Variants in UBAP2 observed in about 807,000 individuals in gnomAD.
UBAP2 encodes the protein ubiquitin associated protein 2.
Under a neutral mutation model 139.6 loss-of-function variants are expected in UBAP2, and 75 were observed. That is an observed-to-expected ratio of 0.54 (90% confidence interval 0.45 to 0.65). The LOEUF (loss-of-function observed/expected upper bound fraction) is 0.65, where lower values mean the gene tolerates loss of function less well. Among genes scored for constraint, UBAP2 ranks in the 30% least tolerant of loss-of-function variants. The pLI is 0.00. For synonymous variants in UBAP2, 526 were observed against 526.2 expected, an observed-to-expected ratio of 1.00 and a Z score of 0.01; for missense variants, 1,368 against 1,369.6, an observed-to-expected ratio of 1.00 and a Z score of 0.02.
rs1010182040 is a variant in UBAP2, at chr9:34,048,873, G to C, written c.-90C>G. On this transcript the variant is annotated 5_prime_UTR_variant, in exon 1 of 29. Coordinates refer to ENST00000379238, the MANE Select transcript of UBAP2 (RefSeq NM_001370062.2). ...AGACCCGCTGCCGCCGCCGCCGCTCGTTACCTGCCAATGTGCCTCTTACAA... is the reference window on the plus strand; with the variant it reads ...AGACCCGCTGCCGCCGCCGCCGCTCCTTACCTGCCAATGTGCCTCTTACAA... 6.6e-6 allele frequency: 1 copy of C among 152,276 alleles called. No homozygotes were observed. Among genetic ancestry groups the C allele is most frequent in the African/African-American group, 2.4e-5 (1 of 41,438 alleles). 9.4% of individuals were successfully genotyped at this position (152,276 alleles called of 1,614,324 possible). A position where few individuals can be genotyped will look rare whatever the true frequency, so the allele number is the denominator to read the frequency against.
intron 6 of UBAP2, among the ~76,000 whole-genome samples, chr9:33,977,801 T>C (rs557241553): frequency 9.1e-4 from 138 of 151,802 alleles, no homozygotes; most frequent in African/African-American, 3.2e-3. Context: ...CGGCTGGGAT[T>C]ACAGGTGTGC....
chr9:34,040,690 A>G (rs1826992171), intron 1 of UBAP2, among the ~76,000 whole-genome samples: 1 of 152,230 alleles, frequency 6.6e-6, no homozygotes, highest in Non-Finnish European at 1.5e-5. Context: ...AAAACTAAAA[A>G]GGCAACATAA....
rs571014698 is a variant in UBAP2 at position 33,922,551 on chromosome 9, G to C, written c.3313C>G (p.Gln1105Glu). ...SQPSSLQPKS[Q>E]ASKPAYGNSP... ...TTGCCGTAGGCAGGTTTGGAGGCTTGAGACTTGGGCTGCAGGGAGCTGGGC... is the reference window on the plus strand; with the variant it reads ...TTGCCGTAGGCAGGTTTGGAGGCTTCAGACTTGGGCTGCAGGGAGCTGGGC... The change falls in exon 29 of 29, where the codon CAA (glutamine) becomes GAA (glutamate). Residue 1105 changes from glutamine to glutamate, a missense_variant. Gln to Glu is a conservative substitution (Grantham distance 29). Transcript: ENST00000379238. The C allele has an allele frequency of 6.2e-7, 1 of 1,613,890 alleles. No homozygotes were observed. Among genetic ancestry groups the C allele is most frequent in the Non-Finnish European group, 8.5e-7 (1 of 1,179,986 alleles).
At chr9:33,978,016 T>TAA (rs78838897) in intron 6 of UBAP2, among the ~76,000 whole-genome samples, 2,152 of 118,170 alleles carry the variant, frequency 0.018, 51 homozygotes, top group Admixed American at 0.067. Context: ...CTCTGTCTTT[T>TAA]AAAAAAAAAA....
chr9:33,978,755 A>T (rs1216594277), intron 6 of UBAP2, among the ~76,000 whole-genome samples: 1 of 152,118 alleles, frequency 6.6e-6, no homozygotes, highest in East Asian at 1.9e-4. Context: ...ACTCCAGCCT[A>T]GGTAACAGAG....
chr9:33,957,048 C>T (rs565435893), intron 10 of UBAP2, among the ~76,000 whole-genome samples: 1 of 151,028 alleles, frequency 6.6e-6, no homozygotes. Context: ...ATGATCACAC[C>T]ACTGCACTCC....
intron 6 of UBAP2, among the ~76,000 whole-genome samples, chr9:33,977,589 C>T (rs1196457688): frequency 6.6e-6 from 1 of 151,894 alleles, no homozygotes; most frequent in Non-Finnish European, 1.5e-5. Context: ...GCGAATAAAC[C>T]ATATTATGGT....
intron 4 of UBAP2, chr9:33,995,327 A>T (rs1419898405): frequency 1.4e-5 from 2 of 143,930 alleles, no homozygotes; most frequent in Non-Finnish European, 3.0e-5. Context: ...ACTGCACTCC[A>T]GCCTGGGTGG....
intron 6 of UBAP2, 72 bp from the exon 7 acceptor site, chr9:33,973,309 C>A: frequency 6.8e-7 from 1 of 1,468,054 alleles, no homozygotes; most frequent in East Asian, 2.3e-5. Context: ...CTTCTTCATC[C>A]TATACTCACT....
intron 4 of UBAP2, 134 bp from the exon 5 acceptor site, chr9:33,989,260 G>C: frequency 9.7e-7 from 1 of 1,028,790 alleles, no homozygotes; most frequent in Non-Finnish European, 1.3e-6. Context: ...TGGAGTGCAT[G>C]GCGCCCTCTC....
chr9:34,036,988 T>A (rs1161798167), intron 1 of UBAP2, among the ~76,000 whole-genome samples: 1 of 138,208 alleles, frequency 7.2e-6, no homozygotes, highest in African/African-American at 2.7e-5. Flanking sequence ...AGCTATTTTT[T>A]TTTTTTTTTT....
chr9:34,016,943 C>T, intron 2 of UBAP2, 107 bp downstream of exon 2: 1 of 785,488 alleles, frequency 1.3e-6, no homozygotes, highest in Non-Finnish European at 2.0e-6. Flanking sequence ...CCTTAATTTC[C>T]TTAATTCTAA....
chr9:33,946,203 T>C (rs938413118), intron 13 of UBAP2, among the ~76,000 whole-genome samples: 35 of 152,244 alleles, frequency 2.3e-4, no homozygotes, highest in African/African-American at 8.4e-4. Context: ...TTTAACCTGT[T>C]TGTTGATCTG....
chr9:33,924,121 C>T, intron 23 of UBAP2, 85 bp downstream of exon 23: 4 of 1,587,772 alleles, frequency 2.5e-6, no homozygotes, highest in Non-Finnish European at 3.5e-6. Flanking sequence ...AGAGGCCTCT[C>T]TCAGCTTGCT....
chr9:33,946,630 C>G (rs1052859086), intron 13 of UBAP2, among the ~76,000 whole-genome samples: 1 of 152,136 alleles, frequency 6.6e-6, no homozygotes, highest in Non-Finnish European at 1.5e-5. Context: ...CCTGCTCAAG[C>G]AATCCTCCTC....
chr9:33,985,709 G>A (rs952919000), intron 6 of UBAP2, among the ~76,000 whole-genome samples: 6 of 152,020 alleles, frequency 3.9e-5, no homozygotes, highest in Admixed American at 2.0e-4. Context: ...TGGTGGATAG[G>A]TTAAAACACA....
At chr9:33,953,963 G>C (rs1006626232) in intron 11 of UBAP2, among the ~76,000 whole-genome samples, 21 of 151,830 alleles carry the variant, frequency 1.4e-4, no homozygotes, top group African/African-American at 4.3e-4. Context: ...CTGGAATGCA[G>C]TGGTGTGACC....
chr9:34,027,814 A>G (rs1825539939), intron 1 of UBAP2, among the ~76,000 whole-genome samples: 1 of 151,204 alleles, frequency 6.6e-6, no homozygotes, highest in African/African-American at 2.4e-5. Context: ...GTGAGCCGAG[A>G]TTGCACCACT....
In UBAP2 at chr9:33,943,608, C is replaced by T. The variant is rs545087567; in HGVS notation, c.1546-19G>A. The T allele has an allele frequency of 2.9e-5, 47 of 1,613,318 alleles. No homozygotes were observed. In the South Asian group the frequency reaches 4.0e-4, roughly 14 times the overall value. The stretch of plus-strand genomic sequence containing the variant: ...CTGGGATCTGAAAAAGCAAAGCTGT[C>T]GTGTCAGGAACAGAGGTCACAGATT... On this transcript the variant is annotated intron_variant, in intron 14 of 28. Transcript: ENST00000379238.
Sources: gnomAD v4.1 joint callset for allele counts (sites outside exome capture counted in the v4.1 genomes callset) on GRCh38, gnomAD v4.1.1 for gene constraint, MANE v1.5 for transcripts, NCBI Gene and HGNC (gene_info 2026-07-23, HGNC 2026-07-21) for gene names.